The following MRPL1 variants were observed in gnomAD, a reference collection of about 807,000 sequenced individuals.
MRPL1 encodes the protein mitochondrial ribosomal protein L1, also known as large ribosomal subunit protein uL1m.
A neutral mutation model predicts 38.0 loss-of-function variants in MRPL1; 28 were observed. That is an observed-to-expected ratio of 0.74 (90% CI 0.55 to 1.01). The LOEUF is 1.01. Among genes scored for constraint, MRPL1 ranks in the 50% least tolerant of loss-of-function variants. The pLI is 0.00. For synonymous variants in MRPL1, 123 were observed against 126.7 expected (o/e 0.97, Z 0.20); for missense variants, 358 against 389.8 (o/e 0.92, Z 0.69).
At chr4:77,863,296 C>T (rs1735046289) in intron 1 of MRPL1, among the ~76,000 whole-genome samples, 1 of 152,044 alleles carries the variant, frequency 6.6e-6, no homozygotes, top group South Asian at 2.1e-4. Flanking sequence ...TTCGGAATTA[C>T]TTCGTTATAG....
At chr4:77,942,283 C>G (rs1175019013) in intron 7 of MRPL1, among the ~76,000 whole-genome samples, 1 of 152,036 alleles carries the variant, frequency 6.6e-6, no homozygotes, top group Non-Finnish European at 1.5e-5. Flanking sequence ...ATGGCCTATC[C>G]TATGATCTAT....
Position 77,912,183 on chromosome 4 carries a change from C to T in MRPL1, c.777+2811C>T, listed in dbSNP as rs114036672. Among the ~76,000 whole-genome samples the T allele has an allele frequency of 9.5e-3, 1,443 of 152,196 alleles. 23 individuals are homozygous for T. The highest frequency in any genetic ancestry group is 0.032 in the African/African-American group (1,340 of 41,524). ...GTTGCATTTCTCCTAAGATCAGGAACAAGACAAGGACATCCGTCTCACCAC... is the reference window on the plus strand; with the variant it reads ...GTTGCATTTCTCCTAAGATCAGGAATAAGACAAGGACATCCGTCTCACCAC... On this transcript the variant is annotated intron_variant, in intron 7 of 8. Transcript: ENST00000315567.
chr4:77,886,986 T>C (rs1237915952), intron 4 of MRPL1, among the ~76,000 whole-genome samples: 2 of 151,934 alleles, frequency 1.3e-5, no homozygotes, highest in African/African-American at 4.8e-5. Flanking sequence ...AGAGACAGTT[T>C]TGCCATGTTG....
At chr4:77,874,143 C>T (rs1261086246) in intron 2 of MRPL1, among the ~76,000 whole-genome samples, 18 of 151,938 alleles carry the variant, frequency 1.2e-4, no homozygotes, top group Admixed American at 9.8e-4. Flanking sequence ...CCTGCCACCA[C>T]GCCCAGCTAA....
chr4:77,945,128 AATTATTATT>A lies in MRPL1; in HGVS notation c.778-4634_778-4626del, dbSNP rs3056930. On this transcript the variant is annotated intron_variant, in intron 7 of 8. Transcript: ENST00000315567. Reference sequence around the variant, plus strand: ...ACCCAATAAACAGAGCTGCACCATCAATTATTATTATTATTATTATTATTATTATTATTA... The same window carrying A: ...ACCCAATAAACAGAGCTGCACCATCAATTATTATTATTATTATTATTATTA... 2.0e-3 allele frequency among the ~76,000 whole-genome samples: 281 copies of A among 141,048 alleles called. 1 individual carries two copies. The highest frequency in any genetic ancestry group is 3.9e-3 in the Admixed American group (54 of 13,942). 92.5% of individuals were successfully genotyped at this position (141,048 alleles called of 152,430 possible).
intron 6 of MRPL1, among the ~76,000 whole-genome samples, chr4:77,900,728 A>G (rs930061053): frequency 1.3e-5 from 2 of 152,218 alleles, no homozygotes; most frequent in African/African-American, 4.8e-5. Context: ...CCTCTTTGCA[A>G]ATAGGAGCCA....
rs565502751 is a variant in MRPL1, at chr4:77,949,749, T to C, written c.778-48T>C. ...AAAAATAGTCTAGAATAATTTATTATCTTCTTGCTTTCTCATCATTAATGT... is the reference window on the plus strand; with the variant it reads ...AAAAATAGTCTAGAATAATTTATTACCTTCTTGCTTTCTCATCATTAATGT... On this transcript the variant is annotated intron_variant, in intron 7 of 8. Coordinates refer to ENST00000315567, the MANE Select transcript of MRPL1 (RefSeq NM_020236.4). The C allele has an allele frequency of 2.5e-5, 31 of 1,250,440 alleles. No homozygotes were observed. In the East Asian group the frequency reaches 7.2e-4, roughly 29 times the overall value. 77.5% of individuals were successfully genotyped at this position (1,250,440 alleles called of 1,614,324 possible).
chr4:77,895,776 A>G (rs891739463), intron 6 of MRPL1, among the ~76,000 whole-genome samples: 11 of 152,116 alleles, frequency 7.2e-5, no homozygotes, highest in Non-Finnish European at 1.3e-4. Flanking sequence ...AGTCATAAAT[A>G]TTTATTAGAT....
rs142459153 is a variant in MRPL1 at position 77,898,115 on chromosome 4, G to A, written c.670+3865G>A. Among the ~76,000 whole-genome samples, 59 of 152,200 alleles carry A rather than the reference G, an allele frequency of 3.9e-4. 2 individuals are homozygous for A. The East Asian group carries it at 0.01, about 27-fold the overall frequency. On this transcript the variant is annotated intron_variant, in intron 6 of 8. Coordinates refer to ENST00000315567, the MANE Select transcript of MRPL1 (RefSeq NM_020236.4). ...GTAGTACTGTTTGCTTACTTGCCTTGCTCACTTTCTCATTCGAACATCATC... is the reference window on the plus strand; with the variant it reads ...GTAGTACTGTTTGCTTACTTGCCTTACTCACTTTCTCATTCGAACATCATC...
chr4:77,872,119 A>G (rs894889646), intron 2 of MRPL1, among the ~76,000 whole-genome samples: 45 of 152,258 alleles, frequency 3.0e-4, no homozygotes, highest in African/African-American at 1.0e-3. Context: ...CAGAGAAGAA[A>G]ATCGAGGCAC....
chr4:77,879,639 A>G (rs543292445), intron 2 of MRPL1, among the ~76,000 whole-genome samples: 5 of 152,334 alleles, frequency 3.3e-5, no homozygotes, highest in Non-Finnish European at 7.4e-5. Flanking sequence ...ACATTTTGTT[A>G]TTTTAAATAG....
intron 2 of MRPL1, among the ~76,000 whole-genome samples, chr4:77,878,116 A>C (rs76239737): frequency 1.3e-5 from 2 of 152,284 alleles, no homozygotes; most frequent in East Asian, 3.9e-4. Context: ...CTCTGGCGCA[A>C]GGGAGACTGT....
intron 2 of MRPL1, among the ~76,000 whole-genome samples, chr4:77,873,856 A>G (rs778204136): frequency 3.9e-5 from 6 of 152,196 alleles, no homozygotes; most frequent in Non-Finnish European, 8.8e-5. Flanking sequence ...CATGGTAAGC[A>G]TAGTATTTAG....
chr4:77,867,819 C>G (rs998554698), intron 1 of MRPL1, among the ~76,000 whole-genome samples: 1 of 144,270 alleles, frequency 6.9e-6, no homozygotes. Flanking sequence ...GGCAGTGGCA[C>G]GATCTCGGCT....
chr4:77,924,215 A>G (rs555401515), intron 7 of MRPL1, among the ~76,000 whole-genome samples: 2 of 87,240 alleles, frequency 2.3e-5, no homozygotes, highest in South Asian at 6.9e-4. Flanking sequence ...ATCTATAGTT[A>G]TTGGTACTAT....
chr4:77,875,707 G>A (rs1411264639), intron 2 of MRPL1, among the ~76,000 whole-genome samples: 1 of 152,072 alleles, frequency 6.6e-6, no homozygotes, highest in Non-Finnish European at 1.5e-5. Context: ...TTTCGGTAGT[G>A]CAGAGACATG....
intron 4 of MRPL1, among the ~76,000 whole-genome samples, chr4:77,886,312 T>C (rs978087038): frequency 1.3e-5 from 2 of 151,980 alleles, no homozygotes; most frequent in South Asian, 2.1e-4. Flanking sequence ...GAACTGCGGG[T>C]GCTAGCCACT....
At chr4:77,887,885 G>A (rs1360928566) in intron 5 of MRPL1, among the ~76,000 whole-genome samples, 5 of 152,018 alleles carry the variant, frequency 3.3e-5, no homozygotes, top group African/African-American at 1.2e-4. Context: ...ACTATTTTTC[G>A]CTTCTTTTTT....
chr4:77,935,528 G>T (rs1042878418), intron 7 of MRPL1, among the ~76,000 whole-genome samples: 2 of 151,954 alleles, frequency 1.3e-5, no homozygotes, highest in African/African-American at 4.8e-5. Context: ...ATGAGTAGCT[G>T]GGATTACAGG....
Sources: gnomAD v4.1 joint callset for allele counts (sites outside exome capture counted in the v4.1 genomes callset) on GRCh38, gnomAD v4.1.1 for gene constraint, MANE v1.5 for transcripts, NCBI Gene and HGNC (gene_info 2026-07-23, HGNC 2026-07-21) for gene names.